The following BACH2 variants were observed in gnomAD, a reference collection of about 807,000 sequenced individuals.
BACH2 encodes the protein transcription regulator protein BACH2.
Under a neutral mutation model 61.8 loss-of-function variants are expected in BACH2, and 5 were observed. That is an observed-to-expected ratio of 0.08 (90% confidence interval 0.04 to 0.17). The LOEUF is 0.17. BACH2 is among the 10% of genes least tolerant of loss of function. The probability of loss-of-function intolerance (pLI) is 1.00; values close to 1 mark genes in which losing one functional copy is unlikely to be tolerated. For synonymous variants in BACH2, 446 were observed against 440.1 expected (o/e 1.01, Z -0.17); for missense variants, 824 against 1,091.1 (o/e 0.76, Z 3.45).
chr6:90,120,540 A>T (rs1783578521), intron 4 of BACH2, among the ~76,000 whole-genome samples: 1 of 152,202 alleles, frequency 6.6e-6, no homozygotes, highest in Non-Finnish European at 1.5e-5. Context: ...GCCTCCTTCA[A>T]ATATCTTGAG....
chr6:90,063,291 T>G (rs1780781775), intron 5 of BACH2, among the ~76,000 whole-genome samples: 1 of 152,174 alleles, frequency 6.6e-6, no homozygotes, highest in African/African-American at 2.4e-5. Flanking sequence ...GTGACAGAGA[T>G]TCTGCCTGCT....
chr6:89,966,465 C>T (rs1171710511), intron 6 of BACH2, among the ~76,000 whole-genome samples: 1 of 152,122 alleles, frequency 6.6e-6, no homozygotes, highest in Non-Finnish European at 1.5e-5. Flanking sequence ...CAATGGCTGC[C>T]CTGAAGCTAC....
intron 5 of BACH2, among the ~76,000 whole-genome samples, chr6:90,061,049 A>C (rs980328218): frequency 4.6e-5 from 7 of 152,234 alleles, no homozygotes; most frequent in Non-Finnish European, 1.0e-4. Flanking sequence ...TACTGGCAGA[A>C]GAAGAGGTCC....
At chr6:89,954,372 A>G (rs964283309) in intron 6 of BACH2, among the ~76,000 whole-genome samples, 8 of 151,352 alleles carry the variant, frequency 5.3e-5, no homozygotes, top group Admixed American at 2.0e-4. Context: ...ATATGTACAC[A>G]TGTGTCATGC....
intron 5 of BACH2, among the ~76,000 whole-genome samples, chr6:90,059,366 AC>A (rs1780555989): frequency 1.3e-5 from 2 of 152,270 alleles, no homozygotes; most frequent in Admixed American, 1.3e-4. Flanking sequence ...CAAAAGACAC[AC>A]GAAAAAATGC....
At chr6:90,049,588 C>T (rs1242753907) in intron 5 of BACH2, among the ~76,000 whole-genome samples, 3 of 152,118 alleles carry the variant, frequency 2.0e-5, no homozygotes, top group African/African-American at 4.8e-5. Context: ...CTGGTGCAAA[C>T]GTAATGGTGG....
rs149442955 is a variant in BACH2 at position 89,990,622 on chromosome 6, C to A, written c.243+17980G>T. ...TCTACCTTGGCTGGTCTCTCTCCTC[C>A]CAATACCCACCCCCACCGACCCCTC... On this transcript the variant is annotated intron_variant, in intron 6 of 8. Coordinates refer to ENST00000257749, the MANE Select transcript of BACH2 (RefSeq NM_021813.4). 1.7e-3 allele frequency among the ~76,000 whole-genome samples: 263 copies of A among 152,140 alleles called. 3 individuals carry two copies. In the East Asian group the frequency reaches 0.042, roughly 25 times the overall value.
At chr6:90,162,344 A>C (rs1481036348) in intron 4 of BACH2, among the ~76,000 whole-genome samples, 2 of 152,356 alleles carry the variant, frequency 1.3e-5, no homozygotes, top group East Asian at 3.9e-4. Flanking sequence ...ATCACAAAAA[A>C]TTCAGAGACC....
At chr6:90,162,482 T>A (rs997025494) in intron 4 of BACH2, among the ~76,000 whole-genome samples, 5 of 151,870 alleles carry the variant, frequency 3.3e-5, no homozygotes, top group African/African-American at 1.2e-4. Flanking sequence ...CTACAAAAAA[T>A]TTTTTAAAAA....
intron 4 of BACH2, among the ~76,000 whole-genome samples, chr6:90,179,363 G>A (rs1768081464): frequency 4.6e-5 from 7 of 152,198 alleles, no homozygotes; most frequent in Admixed American, 4.6e-4. Context: ...AAAAGGGGCT[G>A]GGGTGCTAAT....
chr6:90,075,348 T>C (rs2127802790), intron 5 of BACH2, among the ~76,000 whole-genome samples: 1 of 152,256 alleles, frequency 6.6e-6, no homozygotes, highest in Admixed American at 6.5e-5. Context: ...CACAAAAACA[T>C]TTTACATGAT....
intron 2 of BACH2, among the ~76,000 whole-genome samples, chr6:90,254,677 CTACAA>C (rs1391103947): frequency 1.3e-5 from 2 of 151,942 alleles, no homozygotes; most frequent in African/African-American, 4.8e-5. Flanking sequence ...GACTTTTATC[CTACAA>C]TAAACAACTA....
intron 6 of BACH2, among the ~76,000 whole-genome samples, chr6:90,007,456 T>A (rs1431338239): frequency 2.6e-5 from 4 of 152,292 alleles, no homozygotes; most frequent in Middle Eastern, 6.8e-3. Context: ...TGCACTCTAC[T>A]GCACCTGGCT....
intron 6 of BACH2, among the ~76,000 whole-genome samples, chr6:89,956,754 T>C (rs536618303): frequency 5.9e-5 from 9 of 152,304 alleles, no homozygotes; most frequent in Non-Finnish European, 1.2e-4. Context: ...CAGGCATTTA[T>C]TGAAAATAGG....
chr6:90,002,631 G>C (rs772849862), intron 6 of BACH2, among the ~76,000 whole-genome samples: 1 of 152,138 alleles, frequency 6.6e-6, no homozygotes, highest in Non-Finnish European at 1.5e-5. Context: ...TTAGCCAGGC[G>C]TGGTGGTGCA....
intron 4 of BACH2, among the ~76,000 whole-genome samples, chr6:90,137,732 C>T (rs1424093306): frequency 2.0e-5 from 3 of 152,094 alleles, no homozygotes; most frequent in African/African-American, 4.8e-5. Context: ...CTTTGAGAAG[C>T]CTGTGGGATT....
At chr6:90,241,935 C>CTT (rs565177176) in intron 3 of BACH2, among the ~76,000 whole-genome samples, 1 of 140,248 alleles carries the variant, frequency 7.1e-6, no homozygotes, top group Non-Finnish European at 1.6e-5. Flanking sequence ...TCCTGATTTT[C>CTT]TTTTTTTTTT....
intron 2 of BACH2, among the ~76,000 whole-genome samples, chr6:90,267,084 A>G (rs1219795932): frequency 6.6e-6 from 1 of 152,126 alleles, no homozygotes; most frequent in Non-Finnish European, 1.5e-5. Context: ...CATGTTAGAC[A>G]AAGAAAATCA....
chr6:90,121,163 C>A (rs1023009268), intron 4 of BACH2, among the ~76,000 whole-genome samples: 7 of 152,162 alleles, frequency 4.6e-5, no homozygotes, highest in Non-Finnish European at 1.5e-5. Context: ...AATCAGCAGA[C>A]CCAAACTCGA....
Sources: allele counts gnomAD v4.1 joint callset (sites outside exome capture counted in the v4.1 genomes callset), GRCh38; gene constraint gnomAD v4.1.1; transcripts MANE v1.5; gene names NCBI Gene and HGNC (gene_info 2026-07-23, HGNC 2026-07-21).